The following HNRNPF variants were observed in gnomAD, a reference collection of about 807,000 sequenced individuals.
The protein encoded by HNRNPF is heterogeneous nuclear ribonucleoprotein F.
HNRNPF carries 2 observed loss-of-function variants against 26.0 expected under a neutral mutation model. That is an observed-to-expected ratio of 0.08 (90% CI 0.03 to 0.24). The LOEUF is 0.24. Among genes scored for constraint, HNRNPF ranks in the 10% least tolerant of loss-of-function variants. HNRNPF has a pLI of 1.00. For synonymous variants in HNRNPF, 234 were observed against 211.5 expected, an observed-to-expected ratio of 1.11 and a Z score of -0.92; for missense variants, 299 against 539.2, an observed-to-expected ratio of 0.55 and a Z score of 4.41.
intron 1 of HNRNPF, among the ~76,000 whole-genome samples, chr10:43,408,476 T>C (rs1839001564): frequency 6.6e-6 from 1 of 152,062 alleles, no homozygotes; most frequent in Admixed American, 6.5e-5. Flanking sequence ...TTATGTGCAG[T>C]CCTCGCTCGG....
At chr10:43,395,930 C>A (rs76889847) in intron 2 of HNRNPF, among the ~76,000 whole-genome samples, 4 of 152,140 alleles carry the variant, frequency 2.6e-5, no homozygotes, top group Non-Finnish European at 2.9e-5. Flanking sequence ...CTGGTCTCCC[C>A]GTCCGCAGCG....
intron 3 of HNRNPF, among the ~76,000 whole-genome samples, chr10:43,388,705 G>A (rs1838126295): frequency 6.6e-6 from 1 of 152,214 alleles, no homozygotes; most frequent in Non-Finnish European, 1.5e-5. Context: ...GAGGGCATCG[G>A]GAAGAAAGGG....
At chr10:43,403,806 G>A (rs2256613) in intron 1 of HNRNPF, among the ~76,000 whole-genome samples, 81,720 of 150,922 alleles carry the variant, frequency 0.54, 24,508 homozygotes, top group African/African-American at 0.82. Flanking sequence ...CACCCTGGGC[G>A]ACATGGCAAA....
chr10:43,394,303 A>G (rs541629391), intron 3 of HNRNPF, among the ~76,000 whole-genome samples: 19 of 152,390 alleles, frequency 1.2e-4, no homozygotes, highest in African/African-American at 3.6e-4. Flanking sequence ...TTTACATGTC[A>G]TAAGTGTTTT....
At chr10:43,394,096 G>A (rs1838364034) in intron 3 of HNRNPF, among the ~76,000 whole-genome samples, 1 of 152,162 alleles carries the variant, frequency 6.6e-6, no homozygotes, top group Non-Finnish European at 1.5e-5. Flanking sequence ...TGCCTGTTTT[G>A]TTGGCCACCA....
intron 1 of HNRNPF, chr10:43,397,132 G>C (rs903887799): frequency 6.6e-6 from 1 of 152,290 alleles, no homozygotes; most frequent in African/African-American, 2.4e-5. Context: ...GGGACCTGGG[G>C]GGGGCGGCCG....
chr10:43,395,131 C>CG (rs59128074), intron 2 of HNRNPF, among the ~76,000 whole-genome samples: 36,379 of 151,724 alleles, frequency 0.24, 5,763 homozygotes, highest in African/African-American at 0.45. Context: ...ATTTAAATAT[C>CG]GGGGGCAGGG....
At chr10:43,407,998 C>T (rs1838986407) in intron 1 of HNRNPF, among the ~76,000 whole-genome samples, 1 of 152,216 alleles carries the variant, frequency 6.6e-6, no homozygotes, top group South Asian at 2.1e-4. Context: ...CAATCACTGT[C>T]ACTGCAGCCT....
intron 2 of HNRNPF, among the ~76,000 whole-genome samples, chr10:43,395,926 T>C (rs1342322780): frequency 1.3e-5 from 2 of 152,074 alleles, no homozygotes; most frequent in African/African-American, 2.4e-5. Context: ...GAGTCTGGTC[T>C]CCCCGTCCGC....
rs752366628 is a variant in HNRNPF, at chr10:43,387,890, C to T, written c.-6G>A. ...CCCTCAGGGCCCAGCATCATGGACA[C>T]TTGTCAGGGTGGGTGTCAGGTGATC... On this transcript the variant is annotated 5_prime_UTR_variant, in exon 4 of 4. It adds an upstream start codon to the 5' untranslated region. Transcript: ENST00000682386. The surrounding 1 kb of genome is among the most constrained non-coding windows in gnomAD (Gnocchi z 6.0). 1.3e-6 allele frequency: 2 copies of T among 1,593,942 alleles called. No homozygotes were observed. The highest frequency in any genetic ancestry group is 1.1e-5 in the South Asian group (1 of 90,360).
chr10:43,389,580 G>A (rs907154796), intron 3 of HNRNPF, among the ~76,000 whole-genome samples: 1 of 152,154 alleles, frequency 6.6e-6, no homozygotes, highest in Non-Finnish European at 1.5e-5. Context: ...CGTCTAAAAG[G>A]ATAATTGTGT....
At position 43,387,853 on chromosome 10, in the gene HNRNPF, A is replaced by G; in HGVS notation, c.32T>C (p.Phe11Ser). 2 of 1,612,530 alleles carry G rather than the reference A, an allele frequency of 1.2e-6. No homozygotes were observed. Among genetic ancestry groups the G allele is most frequent in the Non-Finnish European group, 1.7e-6 (2 of 1,178,800 alleles). The change falls in exon 4 of 4, where the codon TTT becomes TCT. Residue 11 changes from phenylalanine to serine, a missense_variant. Physicochemically the swap from Phe to Ser is radical, Grantham distance 155 (BLOSUM62 -2). Around this residue, in one of 6 missense-constraint regions of HNRNPF, gnomAD observed 104 missense variants for 239.0 expected, o/e 0.44. Transcript: ENST00000682386. This position sits in a 1 kb window ranked among gnomAD's most constrained non-coding sequence, Gnocchi z 6.0. ...GGGCAGGCCACGGAGCTTGACCACAAAGCCTTCACCTCCCTCAGGGCCCAG... is the reference window on the plus strand; with the variant it reads ...GGGCAGGCCACGGAGCTTGACCACAGAGCCTTCACCTCCCTCAGGGCCCAG... MMLGPEGGEG[F>S]VVKLRGLPWS...
At chr10:43,397,873 C>T (rs1043062631) in intron 1 of HNRNPF, among the ~76,000 whole-genome samples, 12 of 152,150 alleles carry the variant, frequency 7.9e-5, no homozygotes, top group African/African-American at 2.4e-4. Context: ...CAGATGATAC[C>T]TGATTTCTTG....
intron 3 of HNRNPF, among the ~76,000 whole-genome samples, chr10:43,394,030 T>C (rs982140444): frequency 7.2e-5 from 11 of 152,216 alleles, no homozygotes; most frequent in Non-Finnish European, 1.6e-4. Flanking sequence ...CACAGCACTC[T>C]TGTGTTGTTA....
chr10:43,406,906 T>C (rs1013932571), intron 1 of HNRNPF, among the ~76,000 whole-genome samples: 3 of 152,152 alleles, frequency 2.0e-5, no homozygotes, highest in Admixed American at 2.0e-4. Flanking sequence ...TCTCTTAATA[T>C]TCATTAAAGT....
chr10:43,403,549 G>C (rs1838818243), intron 1 of HNRNPF, among the ~76,000 whole-genome samples: 1 of 152,104 alleles, frequency 6.6e-6, no homozygotes, highest in South Asian at 2.1e-4. Context: ...AATATATAAA[G>C]CGATATTATG....
chr10:43,388,704 G>A (rs1029750330), intron 3 of HNRNPF, among the ~76,000 whole-genome samples: 10 of 152,172 alleles, frequency 6.6e-5, no homozygotes, highest in East Asian at 3.9e-4. Flanking sequence ...AGAGGGCATC[G>A]GGAAGAAAGG....
At position 43,396,526 on chromosome 10, in the gene HNRNPF, T is replaced by TG. The variant is rs1295910852; in HGVS notation, c.-183_-182insC. 3 of 152,256 alleles carry TG rather than the reference T, an allele frequency of 2.0e-5. No individual in the cohort carries two copies. Among genetic ancestry groups the TG allele is most frequent in the Non-Finnish European group, 4.4e-5 (3 of 68,166 alleles). The allele number at this position is 152,256 out of a possible 1,614,324, so 9.4% of individuals were successfully genotyped here. ...GGCTGGCAGCCAAGAGCCCCGAAATTCCACCGAAGCTCAACCACGCAGAGG... is the reference window on the plus strand; with the variant it reads ...GGCTGGCAGCCAAGAGCCCCGAAATTGCCACCGAAGCTCAACCACGCAGAGG... On this transcript the variant is annotated 5_prime_UTR_variant, in exon 2 of 4. Coordinates refer to ENST00000682386, the MANE Select transcript of HNRNPF (RefSeq NM_001098204.2).
chr10:43,398,344 GT>G (rs71533061), intron 1 of HNRNPF, among the ~76,000 whole-genome samples: 127 of 125,416 alleles, frequency 1.0e-3, no homozygotes, highest in Admixed American at 1.6e-3. Context: ...TGTTGTTGTT[GT>G]TTTTTTTTTT....
Sources: allele counts gnomAD v4.1 joint callset (sites outside exome capture counted in the v4.1 genomes callset), GRCh38; gene constraint gnomAD v4.1.1; regional missense constraint gnomAD v4.1.1; non-coding constraint Gnocchi (gnomAD v3.1); transcripts MANE v1.5; gene names NCBI Gene and HGNC (gene_info 2026-07-23, HGNC 2026-07-21).